FBXO48: variants seen among roughly 807,000 people sequenced by gnomAD.
FBXO48 encodes F-box only protein 48.
A neutral mutation model predicts 14.3 loss-of-function variants in FBXO48; 12 were observed. The observed-to-expected ratio is 0.84, with a 90% CI of 0.54 to 1.36. The LOEUF is 1.36. Ranked by LOEUF, FBXO48 falls within the 40% of genes most tolerant of loss-of-function variation. FBXO48 has a pLI of 0.00. For missense variants in FBXO48, 177 were observed against 179.1 expected, an observed-to-expected ratio of 0.99 and a Z score of 0.07; for synonymous variants, 53 against 61.7, an observed-to-expected ratio of 0.86 and a Z score of 0.66.
rs1466731677 is a variant in FBXO48 at position 68,461,103 on chromosome 2, G to C, written c.*3106C>G. The stretch of plus-strand genomic sequence containing the variant: ...CACAAATAATACATATTTGAAAAAT[G>C]GGCAACGAAACCACATCAGGTGGGG... On this transcript the variant is annotated 3_prime_UTR_variant, in exon 4 of 4. Transcript: ENST00000377957. 2 of 151,996 alleles carry C rather than the reference G, an allele frequency of 1.3e-5. No homozygotes were observed. The highest frequency in any genetic ancestry group is 2.9e-5 in the Non-Finnish European group (2 of 67,998). 9.4% of individuals were successfully genotyped at this position (151,996 alleles called of 1,614,324 possible).
rs182695825 is a variant in FBXO48, at chr2:68,462,380, G to C, written c.*1829C>G. The C allele has an allele frequency of 1.3e-4, 20 of 151,162 alleles. No homozygotes were observed. Among genetic ancestry groups the C allele is most frequent in the African/African-American group, 4.1e-4 (17 of 41,202 alleles). The allele number at this position is 151,162 out of a possible 1,614,324, so 9.4% of individuals were successfully genotyped here. A position where few individuals can be genotyped will look rare whatever the true frequency, so the allele number is the denominator to read the frequency against. On this transcript the variant is annotated 3_prime_UTR_variant, in exon 4 of 4. Transcript: ENST00000377957. ...TTCTTTCTTCCTTTTTTTTTGAGAC[G>C]AAGTTTCACTCTTGTTGCCCAGGCT...
chr2:68,465,711 GTA>G (rs1432739146), intron 2 of FBXO48, among the ~76,000 whole-genome samples: 1 of 152,114 alleles, frequency 6.6e-6, no homozygotes, highest in Non-Finnish European at 1.5e-5. Flanking sequence ...CTTTGAAAAT[GTA>G]TATGAGTCAA....
At chr2:68,464,468 A>C in intron 3 of FBXO48, 98 bp from the exon 4 acceptor site, 1 of 1,043,354 alleles carries the variant, frequency 9.6e-7, no homozygotes, top group South Asian at 1.4e-5. Context: ...GCTGAAAAAA[A>C]GAGTATTTAC....
rs1480679867 is a variant in FBXO48, at chr2:68,463,587, T to TC, written c.*621dup. The TC allele has an allele frequency of 6.6e-6, 1 of 152,126 alleles. No individual in the cohort carries two copies. Among genetic ancestry groups the TC allele is most frequent in the Non-Finnish European group, 1.5e-5 (1 of 68,054 alleles). The allele number at this position is 152,126 out of a possible 1,614,324, so 9.4% of individuals were successfully genotyped here. ...CTTACTTTCAGCTCCTGAGAGCCGT[T>TC]CCAGGTTTATATAAAATTAATGGGA... On this transcript the variant is annotated 3_prime_UTR_variant, in exon 4 of 4. Coordinates refer to ENST00000377957, the MANE Select transcript of FBXO48 (RefSeq NM_001024680.3).
rs1675317314 is a variant in FBXO48 at position 68,463,437 on chromosome 2, A to T, written c.*772T>A. 6.6e-6 allele frequency: 1 copy of T among 152,006 alleles called. No homozygotes were observed. Among genetic ancestry groups the T allele is most frequent in the Non-Finnish European group, 1.5e-5 (1 of 68,012 alleles). 9.4% of individuals were successfully genotyped at this position (152,006 alleles called of 1,614,324 possible). On this transcript the variant is annotated 3_prime_UTR_variant, in exon 4 of 4. Transcript: ENST00000377957. ...TTTTAATATGGAGAAAACAAAAAGG[A>T]GCTGAAAGTCCTTTGTCTTGCTATC... is the stretch of plus-strand genomic sequence containing the variant.
Position 68,462,827 on chromosome 2 carries a change from G to A in FBXO48, c.*1382C>T, listed in dbSNP as rs1675301895. On this transcript the variant is annotated 3_prime_UTR_variant, in exon 4 of 4. Coordinates refer to ENST00000377957, the MANE Select transcript of FBXO48 (RefSeq NM_001024680.3). ...AGGACTGAATCAGCCTGGTTCTAGA[G>A]GGTGGAAGTGGGGCTAGAAGGCAAA... The A allele has an allele frequency of 6.6e-6, 1 of 152,332 alleles. No homozygotes were observed. Among genetic ancestry groups the A allele is most frequent in the Non-Finnish European group, 1.5e-5 (1 of 68,128 alleles). The allele number at this position is 152,332 out of a possible 1,614,324, so 9.4% of individuals were successfully genotyped here.
intron 3 of FBXO48, 109 bp downstream of exon 3, chr2:68,464,731 G>A: frequency 2.5e-6 from 2 of 790,538 alleles, no homozygotes; most frequent in Non-Finnish European, 4.2e-6. Flanking sequence ...CACTGTCTGT[G>A]TTATTCTGCA....
At chr2:68,465,249 T>C (rs1009605140) in intron 2 of FBXO48, 71 bp from the exon 3 acceptor site, 4 of 779,006 alleles carry the variant, frequency 5.1e-6, no homozygotes, top group Non-Finnish European at 8.0e-6. Flanking sequence ...TCAGATGCTT[T>C]TTGGGTATAA....
chr2:68,461,312 C>G lies in FBXO48; in HGVS notation c.*2897G>C, dbSNP rs567896481. 1.0e-5 allele frequency: 1 copy of G among 100,304 alleles called. No individual in the cohort carries two copies. Among genetic ancestry groups the G allele is most frequent in the Non-Finnish European group, 1.7e-5 (1 of 58,290 alleles). 6.2% of individuals were successfully genotyped at this position (100,304 alleles called of 1,614,324 possible). ...CTTTTTTTTTTTTTTTTTTTTGAGACGGAGTCTCGCTCTGTCGCCCAGGCC... is the reference window on the plus strand; with the variant it reads ...CTTTTTTTTTTTTTTTTTTTTGAGAGGGAGTCTCGCTCTGTCGCCCAGGCC... On this transcript the variant is annotated 3_prime_UTR_variant, in exon 4 of 4. Coordinates refer to ENST00000377957, the MANE Select transcript of FBXO48 (RefSeq NM_001024680.3).
chr2:68,465,201 G>C, intron 2 of FBXO48, 23 bp from the exon 3 acceptor site: 1 of 1,220,834 alleles, frequency 8.2e-7, no homozygotes, highest in Non-Finnish European at 1.1e-6. Flanking sequence ...ATTTAAACAT[G>C]CTCAGTCTCC....
intron 1 of FBXO48, among the ~76,000 whole-genome samples, chr2:68,466,935 C>T (rs1254099669): frequency 6.6e-6 from 1 of 152,186 alleles, no homozygotes; most frequent in Admixed American, 6.5e-5. Context: ...AGATCGGCGG[C>T]AGCGCAGTCG....
rs1675221139 is a variant in FBXO48, at chr2:68,459,571, T to A, written c.*4638A>T. 1 of 152,206 alleles carries A rather than the reference T, an allele frequency of 6.6e-6. No homozygotes were observed. The allele number at this position is 152,206 out of a possible 1,614,324, so 9.4% of individuals were successfully genotyped here. On this transcript the variant is annotated 3_prime_UTR_variant, in exon 4 of 4. Coordinates refer to ENST00000377957, the MANE Select transcript of FBXO48 (RefSeq NM_001024680.3). ...TCAAGCATCCCACATACCTTAAGGA[T>A]TGTATACTGCATTTTGATACAATCT...
Position 68,462,021 on chromosome 2 carries a change from T to C in FBXO48, c.*2188A>G, listed in dbSNP as rs112992883. The C allele has an allele frequency of 0.16, 23,626 of 151,190 alleles. 2,283 individuals are homozygous for C. The highest frequency in any genetic ancestry group is 0.27 in the African/African-American group (11,240 of 41,120). 9.4% of individuals were successfully genotyped at this position (151,190 alleles called of 1,614,324 possible). ...CTGCACTCCAGCCTGGGTGACAGAG[T>C]GAGACTTCATCTCAAAAAACAAAAC... On this transcript the variant is annotated 3_prime_UTR_variant, in exon 4 of 4. Coordinates refer to ENST00000377957, the MANE Select transcript of FBXO48 (RefSeq NM_001024680.3).
In FBXO48 at chr2:68,463,842, A is replaced by T. The variant is rs1213043859; in HGVS notation, c.*367T>A. On this transcript the variant is annotated 3_prime_UTR_variant, in exon 4 of 4. Transcript: ENST00000377957. ...ATAACCACCACTTAATGAATCTTTA[A>T]GTCAGTTTAAAGTGGCTTCCTGAAA... The T allele has an allele frequency of 6.0e-6, 1 of 166,290 alleles. No homozygotes were observed. Among genetic ancestry groups the T allele is most frequent in the African/African-American group, 2.4e-5 (1 of 41,686 alleles). 10.3% of individuals were successfully genotyped at this position (166,290 alleles called of 1,614,324 possible).
rs1000208879 is a variant in FBXO48, at chr2:68,460,539, T to C, written c.*3670A>G. On this transcript the variant is annotated 3_prime_UTR_variant, in exon 4 of 4. Transcript: ENST00000377957. ...ATCTTTGGATATATCAAATATTTTA[T>C]ATATATATATATATACTTATACTAT... is the stretch of plus-strand genomic sequence containing the variant. 26 of 112,904 alleles carry C rather than the reference T, an allele frequency of 2.3e-4. No homozygotes were observed. The highest frequency in any genetic ancestry group is 3.5e-4 in the Non-Finnish European group (21 of 60,782). The allele number at this position is 112,904 out of a possible 1,614,324, so 7.0% of individuals were successfully genotyped here.
chr2:68,464,449 A>G (rs1675345175), intron 3 of FBXO48, 79 bp from the exon 4 acceptor site: 2 of 1,273,270 alleles, frequency 1.6e-6, no homozygotes, highest in African/African-American at 3.0e-5. Context: ...AGAGAAGCAG[A>G]TTGACAGGGC....
In FBXO48 at chr2:68,461,761, CAAAA is replaced by C. The variant is rs1279144085; in HGVS notation, c.*2444_*2447del. ...ATGTAAAAAAAAAAAAACAAGAAAA[CAAAA>C]AACCCAGCTGGGTGCGGTGGCTCAT... On this transcript the variant is annotated 3_prime_UTR_variant, in exon 4 of 4. Coordinates refer to ENST00000377957, the MANE Select transcript of FBXO48 (RefSeq NM_001024680.3). 2 of 148,390 alleles carry C rather than the reference CAAAA, an allele frequency of 1.3e-5. No individual in the cohort carries two copies. The highest frequency in any genetic ancestry group is 3.0e-5 in the Non-Finnish European group (2 of 67,104). The allele number at this position is 148,390 out of a possible 1,614,324, so 9.2% of individuals were successfully genotyped here. A position where few individuals can be genotyped will look rare whatever the true frequency, so the allele number is the denominator to read the frequency against.
Position 68,462,751 on chromosome 2 carries a change from T to C in FBXO48, c.*1458A>G, listed in dbSNP as rs1675299814. The C allele has an allele frequency of 6.6e-6, 1 of 152,154 alleles. No homozygotes were observed. Among genetic ancestry groups the C allele is most frequent in the Non-Finnish European group, 1.5e-5 (1 of 68,038 alleles). 9.4% of individuals were successfully genotyped at this position (152,154 alleles called of 1,614,324 possible). A position where few individuals can be genotyped will look rare whatever the true frequency, so the allele number is the denominator to read the frequency against. On this transcript the variant is annotated 3_prime_UTR_variant, in exon 4 of 4. Transcript: ENST00000377957. ...CATCAGTGGAATTGGAGAGAAGACATAGGAAGAGACAGGCTATCAGTCTTC... is the reference window on the plus strand; with the variant it reads ...CATCAGTGGAATTGGAGAGAAGACACAGGAAGAGACAGGCTATCAGTCTTC...
At position 68,464,169 on chromosome 2, in the gene FBXO48, TA is replaced by T; in HGVS notation, c.*39del. The T allele has an allele frequency of 6.3e-7, 1 of 1,593,828 alleles. No individual in the cohort carries two copies. The highest frequency in any genetic ancestry group is 8.6e-7 in the Non-Finnish European group (1 of 1,165,020). On this transcript the variant is annotated 3_prime_UTR_variant, in exon 4 of 4. Transcript: ENST00000377957. ...TGCAACCTAAGAGTCATTTAAGTTT[TA>T]AACTTTCAAAGACCTGAGATTTGTG...
Sources: gnomAD v4.1 joint callset for allele counts (sites outside exome capture counted in the v4.1 genomes callset) on GRCh38, gnomAD v4.1.1 for gene constraint, MANE v1.5 for transcripts, NCBI Gene and HGNC (gene_info 2026-07-23, HGNC 2026-07-21) for gene names.